Variants in CADPS2 observed in about 807,000 individuals in gnomAD.
The protein encoded by CADPS2 is calcium-dependent secretion activator 2.
A neutral mutation model predicts 172.5 loss-of-function variants in CADPS2; 93 were observed. The ratio of observed to expected loss-of-function variants is 0.54; its 90% CI spans 0.46 to 0.64. CADPS2 has a LOEUF of 0.64. Ranked by LOEUF, CADPS2 falls within the 30% of genes least tolerant of loss-of-function variation. The pLI, the probability that CADPS2 is intolerant of heterozygous loss-of-function variation, is 0.00. For synonymous variants in CADPS2, 546 were observed against 555.2 expected (o/e 0.98, Z 0.23); for missense variants, 1,420 against 1,565.9 (o/e 0.91, Z 1.57).
chr7:122,761,075 T>C (rs1041960769), intron 1 of CADPS2, among the ~76,000 whole-genome samples: 1 of 152,164 alleles, frequency 6.6e-6, no homozygotes, highest in African/African-American at 2.4e-5. Flanking sequence ...AAAATTATCA[T>C]GAAACATATC....
chr7:122,681,454 C>T (rs1588381587), intron 2 of CADPS2: 3 of 1,529,122 alleles, frequency 2.0e-6, no homozygotes, highest in East Asian at 2.2e-5. Flanking sequence ...ATAGTGGAGG[C>T]CGTAGCAGTC....
intron 7 of CADPS2, among the ~76,000 whole-genome samples, chr7:122,575,891 C>T (rs1216954179): frequency 1.3e-5 from 2 of 152,140 alleles, no homozygotes; most frequent in Non-Finnish European, 2.9e-5. Flanking sequence ...AGTATAGAGA[C>T]TTTCTGTACA....
intron 1 of CADPS2, among the ~76,000 whole-genome samples, chr7:122,740,586 T>C (rs534188793): frequency 2.6e-5 from 4 of 152,112 alleles, no homozygotes; most frequent in Admixed American, 6.6e-5. Flanking sequence ...GGGAAATTTC[T>C]GTACCATCCA....
intron 1 of CADPS2, among the ~76,000 whole-genome samples, chr7:122,855,257 G>A (rs1814860080): frequency 6.6e-6 from 1 of 152,150 alleles, no homozygotes; most frequent in African/African-American, 2.4e-5. Flanking sequence ...TCAAATTGTG[G>A]ACACGAAGAA....
intron 3 of CADPS2, among the ~76,000 whole-genome samples, chr7:122,653,221 T>C (rs1331518840): frequency 1.3e-5 from 2 of 152,184 alleles, no homozygotes; most frequent in African/African-American, 4.8e-5. Flanking sequence ...GCAACATCTT[T>C]GAGATTTTCT....
intron 3 of CADPS2, among the ~76,000 whole-genome samples, chr7:122,631,987 C>T (rs1403717131): frequency 6.6e-6 from 1 of 152,092 alleles, no homozygotes; most frequent in South Asian, 2.1e-4. Context: ...TAATGGCTTC[C>T]AGCTGCATCG....
At chr7:122,487,041 G>C (rs966346591) in intron 11 of CADPS2, among the ~76,000 whole-genome samples, 7 of 140,468 alleles carry the variant, frequency 5.0e-5, no homozygotes, top group African/African-American at 1.6e-4. Flanking sequence ...TTTGAGACAG[G>C]GTTTCACTCT....
chr7:122,840,085 G>A (rs1405701274), intron 1 of CADPS2, among the ~76,000 whole-genome samples: 1 of 152,148 alleles, frequency 6.6e-6, no homozygotes, highest in Non-Finnish European at 1.5e-5. Context: ...ATACACCATG[G>A]AATACTATGC....
intron 9 of CADPS2, among the ~76,000 whole-genome samples, chr7:122,511,922 A>G (rs2130805871): frequency 6.6e-6 from 1 of 152,296 alleles, no homozygotes; most frequent in South Asian, 2.1e-4. Flanking sequence ...AAGATGGCTT[A>G]AGGTTTTTGA....
At chr7:122,710,265 C>T (rs2088487474) in intron 2 of CADPS2, among the ~76,000 whole-genome samples, 1 of 152,008 alleles carries the variant, frequency 6.6e-6, no homozygotes, top group Non-Finnish European at 1.5e-5. Context: ...TTACGTTTTT[C>T]CAATTCACAG....
At chr7:122,654,341 C>T (rs944428026) in intron 3 of CADPS2, among the ~76,000 whole-genome samples, 4 of 152,178 alleles carry the variant, frequency 2.6e-5, no homozygotes, top group African/African-American at 9.7e-5. Flanking sequence ...TCAGAAGATG[C>T]CATCTAGGGT....
At chr7:122,559,559 C>T (rs2132150745) in intron 7 of CADPS2, among the ~76,000 whole-genome samples, 1 of 152,042 alleles carries the variant, frequency 6.6e-6, no homozygotes, top group South Asian at 2.1e-4. Context: ...ATCACGAGGC[C>T]AGGAGTTTGA....
intron 1 of CADPS2, among the ~76,000 whole-genome samples, chr7:122,868,106 A>G (rs1039213828): frequency 6.7e-6 from 1 of 150,364 alleles, no homozygotes; most frequent in African/African-American, 2.4e-5. Context: ...ATATCTGCAG[A>G]CTCTCCCTGG....
At chr7:122,411,752 T>A (rs974714403) in intron 19 of CADPS2, among the ~76,000 whole-genome samples, 2 of 152,030 alleles carry the variant, frequency 1.3e-5, no homozygotes, top group Admixed American at 6.6e-5. Context: ...CATACACACA[T>A]ACTCACATAC....
intron 15 of CADPS2, among the ~76,000 whole-genome samples, chr7:122,447,994 A>T (rs1468738082): frequency 6.6e-6 from 1 of 152,126 alleles, no homozygotes; most frequent in African/African-American, 2.4e-5. Flanking sequence ...AATAGAAACT[A>T]TTGCTGGTAT....
chr7:122,389,290 T>C (rs559292091), intron 22 of CADPS2, among the ~76,000 whole-genome samples: 1 of 152,156 alleles, frequency 6.6e-6, no homozygotes, highest in East Asian at 1.9e-4. Context: ...TCTTTTATTT[T>C]CATTTTTTGC....
intron 1 of CADPS2, among the ~76,000 whole-genome samples, chr7:122,816,121 TCTTC>T (rs1424508242): frequency 6.6e-6 from 1 of 152,144 alleles, no homozygotes; most frequent in Non-Finnish European, 1.5e-5. Flanking sequence ...TCTTATCCTT[TCTTC>T]CTATTTTTTT....
At chr7:122,874,935 G>A (rs917270288) in intron 1 of CADPS2, among the ~76,000 whole-genome samples, 1 of 152,092 alleles carries the variant, frequency 6.6e-6, no homozygotes, top group Admixed American at 6.6e-5. Flanking sequence ...AACCCTAGAA[G>A]AAAACCTAGG....
At chr7:122,529,599 G>A (rs1563608735) in intron 8 of CADPS2, among the ~76,000 whole-genome samples, 1 of 152,030 alleles carries the variant, frequency 6.6e-6, no homozygotes, top group Non-Finnish European at 1.5e-5. Flanking sequence ...GGAATGGGAG[G>A]AAAATCAGCC....
Sources: gnomAD v4.1 joint callset for allele counts (sites outside exome capture counted in the v4.1 genomes callset) on GRCh38, gnomAD v4.1.1 for gene constraint, MANE v1.5 for transcripts, NCBI Gene and HGNC (gene_info 2026-07-23, HGNC 2026-07-21) for gene names.